The following CCDC178 variants were observed in gnomAD, a reference collection of about 807,000 sequenced individuals.
The protein encoded by CCDC178 is coiled-coil domain containing 178, also known as coiled-coil domain-containing protein 178.
In CCDC178, 126 loss-of-function variants were observed where a neutral mutation model predicts 117.4. The ratio of observed to expected loss-of-function variants is 1.07; its 90% CI spans 0.93 to 1.24. The LOEUF (loss-of-function observed/expected upper bound fraction) is 1.24. Among genes scored for constraint, CCDC178 ranks in the 50% most tolerant of loss-of-function variants. The pLI, the probability that CCDC178 is intolerant of heterozygous loss-of-function variation, is 0.00. For missense variants in CCDC178, 1,030 were observed against 986.9 expected (o/e 1.04, Z -0.59); for synonymous variants, 283 against 313.4 (o/e 0.90, Z 1.02).
chr18:32,967,462 TTC>T (rs944585535), intron 22 of CCDC178, among the ~76,000 whole-genome samples: 2 of 151,504 alleles, frequency 1.3e-5, no homozygotes, highest in East Asian at 1.9e-4. Flanking sequence ...TCCTTGAATT[TTC>T]TCTCTCTCAT....
intron 21 of CCDC178, among the ~76,000 whole-genome samples, chr18:33,021,060 G>A (rs1387176015): frequency 6.6e-6 from 1 of 152,142 alleles, no homozygotes; most frequent in Non-Finnish European, 1.5e-5. Context: ...CTGCAATAAG[G>A]CCACTGCCAC....
At chr18:33,265,165 C>T (rs2059797245) in intron 14 of CCDC178, among the ~76,000 whole-genome samples, 1 of 152,120 alleles carries the variant, frequency 6.6e-6, no homozygotes, top group African/African-American at 2.4e-5. Flanking sequence ...TCCATTTCAT[C>T]ATTTCCAAAG....
At chr18:33,204,497 C>T (rs770428399) in intron 20 of CCDC178, among the ~76,000 whole-genome samples, 2 of 152,178 alleles carry the variant, frequency 1.3e-5, no homozygotes, top group Non-Finnish European at 2.9e-5. Context: ...GTTTTAAGTG[C>T]TCATGTTTAC....
rs150061358 is a variant in CCDC178 at position 32,988,379 on chromosome 18, C to T, written c.2389-13698G>A. 9.3e-3 allele frequency among the ~76,000 whole-genome samples: 1,407 copies of T among 151,572 alleles called. 21 individuals are homozygous for T. The highest frequency in any genetic ancestry group is 0.033 in the African/African-American group (1,349 of 41,342). On this transcript the variant is annotated intron_variant, in intron 21 of 22. Transcript: ENST00000383096. The stretch of plus-strand genomic sequence containing the variant: ...TGAACCCAGGAGGCGGAGGTTGCAG[C>T]GAGCCGAGATCGTGCCACTGCATGC...
At chr18:33,134,690 T>A (rs1288859959) in intron 20 of CCDC178, among the ~76,000 whole-genome samples, 1 of 152,134 alleles carries the variant, frequency 6.6e-6, no homozygotes, top group Non-Finnish European at 1.5e-5. Flanking sequence ...TCCTTTCTTC[T>A]TTCCTTCTAA....
At chr18:33,102,352 T>C (rs1282820130) in intron 20 of CCDC178, among the ~76,000 whole-genome samples, 1 of 151,048 alleles carries the variant, frequency 6.6e-6, no homozygotes, top group Non-Finnish European at 1.5e-5. Context: ...TGCTCTAATT[T>C]CTGAATACCC....
At chr18:33,154,251 T>C (rs898824875) in intron 20 of CCDC178, among the ~76,000 whole-genome samples, 5 of 152,052 alleles carry the variant, frequency 3.3e-5, no homozygotes, top group African/African-American at 1.2e-4. Context: ...TTGACTCAGC[T>C]TTTTCTTGGA....
intron 21 of CCDC178, among the ~76,000 whole-genome samples, chr18:32,982,870 A>C (rs2055180619): frequency 6.6e-6 from 1 of 152,174 alleles, no homozygotes; most frequent in Non-Finnish European, 1.5e-5. Context: ...AATATTTTGT[A>C]TGATACCACA....
chr18:33,249,487 G>A (rs931663213), intron 14 of CCDC178, among the ~76,000 whole-genome samples: 1 of 151,968 alleles, frequency 6.6e-6, no homozygotes, highest in African/African-American at 2.4e-5. Flanking sequence ...TCTACCTATG[G>A]CTAGCTAGTT....
At chr18:32,997,167 G>A (rs919284010) in intron 21 of CCDC178, among the ~76,000 whole-genome samples, 18 of 152,150 alleles carry the variant, frequency 1.2e-4, no homozygotes, top group Non-Finnish European at 2.5e-4. Context: ...TACTCTGTGT[G>A]TGGGGGTAGG....
At chr18:33,206,187 T>C (rs575677293) in intron 20 of CCDC178, among the ~76,000 whole-genome samples, 1 of 152,248 alleles carries the variant, frequency 6.6e-6, no homozygotes, top group African/African-American at 2.4e-5. Context: ...ACTGGGTCAA[T>C]GTGCAACTAA....
chr18:33,158,314 C>T (rs2058424395), intron 20 of CCDC178, among the ~76,000 whole-genome samples: 1 of 151,800 alleles, frequency 6.6e-6, no homozygotes. Flanking sequence ...TACTTGTAGC[C>T]CCAGAATTTC....
At chr18:33,220,268 C>G (rs1292025842) in intron 18 of CCDC178, among the ~76,000 whole-genome samples, 1 of 152,016 alleles carries the variant, frequency 6.6e-6, no homozygotes, top group Non-Finnish European at 1.5e-5. Flanking sequence ...GATTACTGTA[C>G]TATGCATTGT....
intron 21 of CCDC178, chr18:32,983,261 G>A: frequency 1.4e-6 from 2 of 1,417,894 alleles, no homozygotes; most frequent in Non-Finnish European, 1.9e-6. Flanking sequence ...TGTATGCATG[G>A]ATTAATTCAT....
At chr18:33,187,095 GA>G (rs2058803989) in intron 20 of CCDC178, among the ~76,000 whole-genome samples, 1 of 150,044 alleles carries the variant, frequency 6.7e-6, no homozygotes, top group Non-Finnish European at 1.5e-5. Context: ...AGGAGAGAGA[GA>G]GAGAGAGAGA....
chr18:33,416,931 T>TAA (rs34973221), intron 2 of CCDC178, among the ~76,000 whole-genome samples: 9 of 151,770 alleles, frequency 5.9e-5, no homozygotes, highest in South Asian at 2.1e-4. Flanking sequence ...TGACTAAAAT[T>TAA]AAAAAAAATA....
chr18:33,241,454 G>A (rs921844478), intron 15 of CCDC178, among the ~76,000 whole-genome samples: 1 of 151,368 alleles, frequency 6.6e-6, no homozygotes, highest in East Asian at 1.9e-4. Flanking sequence ...GTGTGTGTGT[G>A]TGTGTGTGTG....
chr18:33,247,075 C>T (rs998432845), intron 14 of CCDC178, among the ~76,000 whole-genome samples: 22 of 147,652 alleles, frequency 1.5e-4, no homozygotes, highest in African/African-American at 4.5e-4. Flanking sequence ...AAGTGTGTTA[C>T]GTGTGTGTGT....
intron 5 of CCDC178, among the ~76,000 whole-genome samples, chr18:33,381,259 G>T (rs2063435740): frequency 6.6e-6 from 1 of 152,058 alleles, no homozygotes; most frequent in Non-Finnish European, 1.5e-5. Context: ...GAGCCAGCTG[G>T]GTATGGAGCA....
Sources: allele counts gnomAD v4.1 joint callset (sites outside exome capture counted in the v4.1 genomes callset), GRCh38; gene constraint gnomAD v4.1.1; transcripts MANE v1.5; gene names NCBI Gene and HGNC (gene_info 2026-07-23, HGNC 2026-07-21).